The following RWDD2B variants were observed in gnomAD, a reference collection of about 807,000 sequenced individuals.
The protein encoded by RWDD2B is RWD domain containing 2B, also known as RWD domain-containing protein 2B.
Under a neutral mutation model 33.6 loss-of-function variants are expected in RWDD2B, and 36 were observed. The observed-to-expected ratio is 1.07, with a 90% CI of 0.82 to 1.42. RWDD2B has a LOEUF of 1.42. RWDD2B is among the 40% of genes most tolerant of loss of function. RWDD2B has a pLI of 0.00. For synonymous variants in RWDD2B, 126 were observed against 133.1 expected (o/e 0.95, Z 0.37); for missense variants, 364 against 377.5 (o/e 0.96, Z 0.30).
chr21:29,011,110 C>T (rs1454529102), intron 1 of RWDD2B, among the ~76,000 whole-genome samples: 19 of 151,974 alleles, frequency 1.3e-4, no homozygotes, highest in African/African-American at 4.3e-4. Flanking sequence ...AAGTGAGGAG[C>T]GTCTCTGCCC....
At chr21:29,015,979 G>A (rs1352468047) in intron 1 of RWDD2B, among the ~76,000 whole-genome samples, 3 of 152,162 alleles carry the variant, frequency 2.0e-5, no homozygotes, top group African/African-American at 7.2e-5. Flanking sequence ...TCCAGAACAT[G>A]TTTTTCCAGG....
rs2084828619 is a variant in RWDD2B, at chr21:29,006,409, T to G, written c.*8A>C. On this transcript the variant is annotated 3_prime_UTR_variant, in exon 5 of 5. Transcript: ENST00000493196. ...ACAGTGGCAAGATACTTTCAACTAC[T>G]CTTGATGTCATTGTCCTTCTACACC... 12 of 1,565,062 alleles carry G rather than the reference T, an allele frequency of 7.7e-6. No individual in the cohort carries two copies. The highest frequency in any genetic ancestry group is 1.8e-5 in the Admixed American group (1 of 54,798).
At chr21:29,010,674 G>C (rs182889129) in intron 1 of RWDD2B, among the ~76,000 whole-genome samples, 6 of 148,530 alleles carry the variant, frequency 4.0e-5, no homozygotes, top group African/African-American at 1.3e-4. Context: ...GTCTCCCCAT[G>C]GTCTCCCTCT....
intron 1 of RWDD2B, among the ~76,000 whole-genome samples, chr21:29,011,626 C>G (rs1189675546): frequency 7.2e-6 from 1 of 138,470 alleles, no homozygotes; most frequent in African/African-American, 2.7e-5. Context: ...CCGCCCCGTC[C>G]GGGAGGGAGG....
At chr21:29,013,910 A>G (rs976486143) in intron 1 of RWDD2B, among the ~76,000 whole-genome samples, 1 of 152,128 alleles carries the variant, frequency 6.6e-6, no homozygotes, top group Non-Finnish European at 1.5e-5. Flanking sequence ...ACCAAGTATT[A>G]CTGAATATTA....
chr21:29,006,248 A>G lies in RWDD2B; in HGVS notation c.*169T>C. On this transcript the variant is annotated 3_prime_UTR_variant, in exon 5 of 5. Transcript: ENST00000493196. Reference sequence around the variant, plus strand: ...AATTTGAAACTCAGTTCTGCTTTCAATCATGACATTTTTAACAGATGCATT... The same window carrying G: ...AATTTGAAACTCAGTTCTGCTTTCAGTCATGACATTTTTAACAGATGCATT... 8.0e-6 allele frequency: 4 copies of G among 500,888 alleles called. No individual in the cohort carries two copies. The highest frequency in any genetic ancestry group is 1.4e-5 in the Non-Finnish European group (4 of 281,986). 31.0% of individuals were successfully genotyped at this position (500,888 alleles called of 1,614,324 possible).
intron 4 of RWDD2B, among the ~76,000 whole-genome samples, chr21:29,007,041 T>C (rs2084831995): frequency 6.6e-6 from 1 of 152,254 alleles, no homozygotes; most frequent in South Asian, 2.1e-4. Context: ...AATGTAGGAA[T>C]TACTGAATCC....
chr21:29,017,219 A>G (rs1430019391), intron 1 of RWDD2B, among the ~76,000 whole-genome samples: 1 of 152,164 alleles, frequency 6.6e-6, no homozygotes, highest in Non-Finnish European at 1.5e-5. Context: ...AATGTTTCTC[A>G]AGCACTTACG....
Position 29,013,461 on chromosome 21 carries a change from G to A in RWDD2B, c.68-4840C>T, listed in dbSNP as rs1268545145. Reference sequence around the variant, plus strand: ...TCCCAACACTTTGGGAGGCAGAGGCGGGCGGATCATGAGGTCAGGAGATCC... The same window carrying A: ...TCCCAACACTTTGGGAGGCAGAGGCAGGCGGATCATGAGGTCAGGAGATCC... On this transcript the variant is annotated intron_variant, in intron 1 of 4. Transcript: ENST00000493196. Among the ~76,000 whole-genome samples the A allele has an allele frequency of 5.3e-5, 8 of 152,064 alleles. No homozygotes were observed. In the East Asian group the frequency reaches 7.7e-4, roughly 15 times the overall value.
chr21:29,011,944 G>T (rs1437448984), intron 1 of RWDD2B, among the ~76,000 whole-genome samples: 1 of 124,350 alleles, frequency 8.0e-6, no homozygotes, highest in African/African-American at 3.1e-5. Context: ...GGGAGGTGGG[G>T]GGGTCAGCCC....
At position 29,005,253 on chromosome 21, in the gene RWDD2B, A is replaced by G. The variant is rs1170465268; in HGVS notation, c.*1164T>C. 9 of 152,208 alleles carry G rather than the reference A, an allele frequency of 5.9e-5. No homozygotes were observed. Among genetic ancestry groups the G allele is most frequent in the Admixed American group, 5.9e-4 (9 of 15,272 alleles). The allele number at this position is 152,208 out of a possible 1,614,324, so 9.4% of individuals were successfully genotyped here. A position where few individuals can be genotyped will look rare whatever the true frequency, so the allele number is the denominator to read the frequency against. On this transcript the variant is annotated 3_prime_UTR_variant, in exon 5 of 5. Coordinates refer to ENST00000493196, the MANE Select transcript of RWDD2B (RefSeq NM_016940.3). ...GGCTTGTTAAAAAAGTTTAAGCCCT[A>G]CTAATGCCTCAGCCTTGTCTGAGGC...
At chr21:29,017,013 C>CA (rs2084893491) in intron 1 of RWDD2B, among the ~76,000 whole-genome samples, 2 of 151,784 alleles carry the variant, frequency 1.3e-5, no homozygotes, top group South Asian at 4.2e-4. Flanking sequence ...GGCCAGAGTG[C>CA]AGAGTCGGCT....
chr21:29,007,896 A>C lies in RWDD2B; in HGVS notation c.590T>G (p.Ile197Ser). The change falls in exon 4 of 5, where the codon ATC (isoleucine) becomes AGC (serine). Residue 197 changes from isoleucine to serine, a missense_variant. By Grantham distance (142) the Ile-to-Ser change is moderately radical. Transcript: ENST00000493196. Reference protein sequence around the residue: ...FTRLWIYSHHIYNKCKRKNIL... With the variant: ...FTRLWIYSHHSYNKCKRKNIL... Reference sequence around the variant, plus strand: ...ATTCTTTCTTTTGCATTTGTTATAGATATGATGGCTGTAGATCCAGAGTCT... The same window carrying C: ...ATTCTTTCTTTTGCATTTGTTATAGCTATGATGGCTGTAGATCCAGAGTCT... 1 of 1,614,268 alleles carries C rather than the reference A, an allele frequency of 6.2e-7. No homozygotes were observed. Among genetic ancestry groups the C allele is most frequent in the South Asian group, 1.1e-5 (1 of 91,086 alleles).
chr21:29,019,100 G>T, intron 1 of RWDD2B, 111 bp downstream of exon 1: 1 of 868,308 alleles, frequency 1.2e-6, no homozygotes, highest in South Asian at 1.5e-5. Context: ...CATGCAGTGA[G>T]GGGAACCGGG....
At chr21:29,012,093 A>C (rs1338645480) in intron 1 of RWDD2B, among the ~76,000 whole-genome samples, 1 of 139,422 alleles carries the variant, frequency 7.2e-6, no homozygotes, top group Non-Finnish European at 1.6e-5. Flanking sequence ...CTGCCCGGCC[A>C]GCCGCCCCGT....
chr21:29,012,243 T>C (rs1194615619), intron 1 of RWDD2B, among the ~76,000 whole-genome samples: 1 of 151,538 alleles, frequency 6.6e-6, no homozygotes, highest in Non-Finnish European at 1.5e-5. Context: ...GGAGCCCCTC[T>C]GCCCGGCCAC....
At chr21:29,013,623 A>T (rs1480322815) in intron 1 of RWDD2B, among the ~76,000 whole-genome samples, 1 of 148,336 alleles carries the variant, frequency 6.7e-6, no homozygotes, top group Non-Finnish European at 1.5e-5. Flanking sequence ...CGGGAGGCGG[A>T]GCTTGCAGTG....
chr21:29,013,427 C>T (rs576245004), intron 1 of RWDD2B, among the ~76,000 whole-genome samples: 3 of 152,208 alleles, frequency 2.0e-5, no homozygotes, highest in African/African-American at 4.8e-5. Flanking sequence ...CGGTAGCTCA[C>T]GCCTGTAATC....
At chr21:29,014,552 T>C (rs1025328281) in intron 1 of RWDD2B, among the ~76,000 whole-genome samples, 4 of 152,192 alleles carry the variant, frequency 2.6e-5, no homozygotes, top group African/African-American at 9.7e-5. Context: ...CCTGGCGCAG[T>C]GGCTCACGCC....
Sources: allele counts gnomAD v4.1 joint callset (sites outside exome capture counted in the v4.1 genomes callset), GRCh38; gene constraint gnomAD v4.1.1; transcripts MANE v1.5; gene names NCBI Gene and HGNC (gene_info 2026-07-23, HGNC 2026-07-21).